The following CFAP221 variants were observed in gnomAD, a reference collection of about 807,000 sequenced individuals.
The protein encoded by CFAP221 is cilia and flagella associated protein 221.
Under a neutral mutation model 113.1 loss-of-function variants are expected in CFAP221, and 97 were observed. The observed-to-expected ratio is 0.86, with a 90% CI of 0.73 to 1.02. The LOEUF (loss-of-function observed/expected upper bound fraction) is 1.02. Among genes scored for constraint, CFAP221 ranks in the 50% least tolerant of loss-of-function variants. The probability of loss-of-function intolerance (pLI) is 0.00; values close to 1 mark genes in which losing one functional copy is unlikely to be tolerated. For synonymous variants in CFAP221, 331 were observed against 354.4 expected (o/e 0.93, Z 0.74); for missense variants, 1,025 against 1,013.4 (o/e 1.01, Z -0.16).
chr2:119,590,852 G>A (rs1031806879), intron 7 of CFAP221, among the ~76,000 whole-genome samples: 2 of 152,166 alleles, frequency 1.3e-5, no homozygotes, highest in Non-Finnish European at 2.9e-5. Context: ...AGGTGAGACA[G>A]AAGACCCCCA....
At chr2:119,634,334 G>T (rs1211676829) in intron 19 of CFAP221, among the ~76,000 whole-genome samples, 1 of 152,116 alleles carries the variant, frequency 6.6e-6, no homozygotes, top group Non-Finnish European at 1.5e-5. Flanking sequence ...AGGTGTGATG[G>T]CAGAAGCCTG....
At chr2:119,595,267 A>G (rs187232057) in intron 7 of CFAP221, among the ~76,000 whole-genome samples, 9 of 152,122 alleles carry the variant, frequency 5.9e-5, no homozygotes, top group Admixed American at 1.3e-4. Flanking sequence ...GTAGTTAGAG[A>G]CTTTTCCAGG....
At chr2:119,625,443 G>A in intron 14 of CFAP221, 140 bp from the exon 15 acceptor site, 1 of 691,268 alleles carries the variant, frequency 1.4e-6, no homozygotes, top group Middle Eastern at 3.9e-4. Context: ...AGGGAGAGTA[G>A]CATGCCACAC....
chr2:119,563,536 C>G (rs528729334), intron 6 of CFAP221, among the ~76,000 whole-genome samples: 1 of 152,252 alleles, frequency 6.6e-6, no homozygotes, highest in East Asian at 1.9e-4. Flanking sequence ...TGGACTCTCC[C>G]CTGCCCCCAC....
chr2:119,621,149 C>T (rs964440896), intron 14 of CFAP221, among the ~76,000 whole-genome samples: 2 of 151,100 alleles, frequency 1.3e-5, no homozygotes, highest in African/African-American at 2.4e-5. Context: ...CGCTTGAACC[C>T]GGGAGGCGGA....
At chr2:119,611,080 C>T (rs931101070) in intron 12 of CFAP221, among the ~76,000 whole-genome samples, 17 of 152,088 alleles carry the variant, frequency 1.1e-4, no homozygotes, top group Admixed American at 2.0e-4. Flanking sequence ...GAAGACCTGT[C>T]AGCTTCCACC....
chr2:119,550,183 C>T (rs1012236421), intron 3 of CFAP221, among the ~76,000 whole-genome samples: 96 of 152,284 alleles, frequency 6.3e-4, no homozygotes, highest in African/African-American at 2.2e-3. Context: ...GTGGCCCTGT[C>T]TCCAGCCACC....
chr2:119,579,330 G>A (rs1435601491), intron 6 of CFAP221, among the ~76,000 whole-genome samples: 1 of 151,518 alleles, frequency 6.6e-6, no homozygotes, highest in Non-Finnish European at 1.5e-5. Flanking sequence ...TTTCTTCATT[G>A]TATATCAGAT....
At chr2:119,571,684 C>G (rs1183971487) in intron 6 of CFAP221, among the ~76,000 whole-genome samples, 1 of 152,084 alleles carries the variant, frequency 6.6e-6, no homozygotes, top group Non-Finnish European at 1.5e-5. Flanking sequence ...TCTTGAACTC[C>G]TGAGCTCAAG....
intron 7 of CFAP221, among the ~76,000 whole-genome samples, chr2:119,596,465 A>G (rs1346190913): frequency 6.6e-6 from 1 of 152,144 alleles, no homozygotes; most frequent in Non-Finnish European, 1.5e-5. Flanking sequence ...CTGGCCTGGG[A>G]TCCTCCCCAG....
At chr2:119,615,111 G>A (rs141624755) in intron 13 of CFAP221, among the ~76,000 whole-genome samples, 1 of 152,018 alleles carries the variant, frequency 6.6e-6, no homozygotes, top group Non-Finnish European at 1.5e-5. Context: ...TCAGGCTCTG[G>A]CCAGCCTCAC....
At chr2:119,572,832 A>G in intron 6 of CFAP221, 1 of 436,404 alleles carries the variant, frequency 2.3e-6, no homozygotes, top group East Asian at 3.2e-5. Context: ...TCAAGGCTAT[A>G]GAGGCTCTGT....
intron 6 of CFAP221, among the ~76,000 whole-genome samples, chr2:119,565,232 C>T (rs999274029): frequency 2.6e-5 from 4 of 152,258 alleles, no homozygotes; most frequent in Admixed American, 6.5e-5. Flanking sequence ...TGCAGGGACC[C>T]CAAGAGTTTA....
intron 6 of CFAP221, among the ~76,000 whole-genome samples, chr2:119,568,689 G>T (rs1681821629): frequency 6.6e-6 from 1 of 152,070 alleles, no homozygotes; most frequent in African/African-American, 2.4e-5. Flanking sequence ...TTTATGGCTG[G>T]ATAGTATTCC....
chr2:119,644,992 T>TTC (rs1553496207), intron 21 of CFAP221, among the ~76,000 whole-genome samples: 1 of 37,630 alleles, frequency 2.7e-5, no homozygotes, highest in African/African-American at 8.6e-5. Context: ...GGTTTCCAGG[T>TTC]CCCCCCCCCC....
intron 20 of CFAP221, among the ~76,000 whole-genome samples, chr2:119,639,404 G>T (rs528547101): frequency 6.6e-6 from 1 of 152,210 alleles, no homozygotes; most frequent in South Asian, 2.1e-4. Flanking sequence ...CGTGGCGCGC[G>T]TGTGCAGCTC....
At chr2:119,659,509 TC>T (rs1688548006), downstream of CFAP221, among the ~76,000 whole-genome samples, 1 of 152,298 alleles carries the variant, frequency 6.6e-6, no homozygotes, top group South Asian at 2.1e-4. Context: ...TCCTTCTCAT[TC>T]CCAATCCATC....
rs143490840 is a variant in CFAP221 at position 119,606,115 on chromosome 2, C to T, written c.1133+826C>T. Among the ~76,000 whole-genome samples, 11 of 152,144 alleles carry T rather than the reference C, an allele frequency of 7.2e-5. 1 individual carries two copies. The East Asian group carries it at 1.9e-3, about 27-fold the overall frequency. The stretch of plus-strand genomic sequence containing the variant: ...GCCTCCCAGCCTAAAGTGATCCTCC[C>T]TCTTCAGCCTCCCAAGTAGCTGGGA... On this transcript the variant is annotated intron_variant, in intron 11 of 23. Coordinates refer to ENST00000413369, the MANE Select transcript of CFAP221 (RefSeq NM_001271049.2).
chr2:119,558,034 A>C (rs1449475784), intron 3 of CFAP221, among the ~76,000 whole-genome samples: 1 of 151,750 alleles, frequency 6.6e-6, no homozygotes, highest in African/African-American at 2.4e-5. Context: ...CCCAGGGTAC[A>C]TATTAAAACC....
Sources: gnomAD v4.1 joint callset for allele counts (sites outside exome capture counted in the v4.1 genomes callset) on GRCh38, gnomAD v4.1.1 for gene constraint, MANE v1.5 for transcripts, NCBI Gene and HGNC (gene_info 2026-07-23, HGNC 2026-07-21) for gene names.